DSCAM: variants seen among roughly 807,000 people sequenced by gnomAD.
The protein encoded by DSCAM is cell adhesion molecule DSCAM.
In DSCAM, 47 loss-of-function variants were observed where a neutral mutation model predicts 217.7. The observed-to-expected ratio is 0.22, with a 90% CI of 0.17 to 0.28. The LOEUF (loss-of-function observed/expected upper bound fraction) is 0.28. Ranked by LOEUF, DSCAM falls within the 10% of genes least tolerant of loss-of-function variation. DSCAM has a pLI of 1.00. For synonymous variants in DSCAM, 1,056 were observed against 1,015.3 expected (o/e 1.04, Z -0.76); for missense variants, 2,080 against 2,618.3 (o/e 0.79, Z 4.49).
At chr21:40,797,371 G>A (rs1017440168) in intron 1 of DSCAM, among the ~76,000 whole-genome samples, 2 of 152,158 alleles carry the variant, frequency 1.3e-5, no homozygotes, top group Admixed American at 6.5e-5. Context: ...AAACCCAGTA[G>A]CAGTGAACCA....
intron 3 of DSCAM, among the ~76,000 whole-genome samples, chr21:40,425,025 G>C (rs539036140): frequency 2.0e-5 from 3 of 152,060 alleles, no homozygotes; most frequent in Non-Finnish European, 4.4e-5. Context: ...TTGAACCTGG[G>C]GGGTGGAGGT....
chr21:40,153,662 T>C (rs1044555712), intron 16 of DSCAM, among the ~76,000 whole-genome samples: 3 of 152,116 alleles, frequency 2.0e-5, no homozygotes, highest in Non-Finnish European at 4.4e-5. Flanking sequence ...TGGAAAACTG[T>C]TAGAGCTGCA....
chr21:40,826,386 A>T (rs1422249066), intron 1 of DSCAM, among the ~76,000 whole-genome samples: 1 of 152,224 alleles, frequency 6.6e-6, no homozygotes, highest in Non-Finnish European at 1.5e-5. Flanking sequence ...GGCCAGCCCA[A>T]GCCAGGCCAT....
intron 8 of DSCAM, among the ~76,000 whole-genome samples, chr21:40,313,983 G>A (rs1005124389): frequency 1.3e-5 from 2 of 152,210 alleles, no homozygotes; most frequent in Non-Finnish European, 1.5e-5. Context: ...TAAGGGATCC[G>A]GCTGAGAAAT....
intron 8 of DSCAM, among the ~76,000 whole-genome samples, chr21:40,314,752 T>G (rs2074178103): frequency 6.6e-6 from 1 of 152,226 alleles, no homozygotes; most frequent in South Asian, 2.1e-4. Flanking sequence ...AGACAATTTT[T>G]CTAAGATAAG....
At chr21:40,730,171 G>T (rs1007757815) in intron 1 of DSCAM, among the ~76,000 whole-genome samples, 3 of 152,244 alleles carry the variant, frequency 2.0e-5, no homozygotes, top group Middle Eastern at 6.8e-3. Context: ...CCTCCGGGGC[G>T]CAGGAGGTCA....
chr21:40,647,785 C>T (rs2089965152), intron 3 of DSCAM, among the ~76,000 whole-genome samples: 1 of 152,218 alleles, frequency 6.6e-6, no homozygotes, highest in Admixed American at 6.5e-5. Flanking sequence ...GACCTTTCAA[C>T]ATTAATACAA....
intron 9 of DSCAM, among the ~76,000 whole-genome samples, chr21:40,307,109 T>G (rs1340428652): frequency 6.6e-6 from 1 of 152,102 alleles, no homozygotes; most frequent in African/African-American, 2.4e-5. Context: ...AAAGAGCTTC[T>G]GCACAGCAAA....
intron 3 of DSCAM, among the ~76,000 whole-genome samples, chr21:40,578,670 G>T (rs1301760542): frequency 6.6e-6 from 1 of 152,070 alleles, no homozygotes; most frequent in Non-Finnish European, 1.5e-5. Flanking sequence ...TCACTTTTTG[G>T]GTCCACACTA....
At position 40,241,479 on chromosome 21, in the gene DSCAM, TA is replaced by T. The variant is rs1376721907; in HGVS notation, c.2356+34617del. Among the ~76,000 whole-genome samples the T allele has an allele frequency of 2.6e-4, 40 of 152,016 alleles. No homozygotes were observed. The East Asian group carries it at 7.0e-3, about 26-fold the overall frequency. On this transcript the variant is annotated intron_variant, in intron 11 of 32. Coordinates refer to ENST00000400454, the MANE Select transcript of DSCAM (RefSeq NM_001389.5). Reference sequence around the variant, plus strand: ...TCAGAATAGCTATTATTAAAAAGTCTAAAAAAAATAACAGGTGCCGGTAAGG... The same window carrying T: ...TCAGAATAGCTATTATTAAAAAGTCTAAAAAAATAACAGGTGCCGGTAAGG...
chr21:40,332,683 C>G (rs2074389386), intron 8 of DSCAM, among the ~76,000 whole-genome samples: 1 of 152,156 alleles, frequency 6.6e-6, no homozygotes, highest in Admixed American at 6.5e-5. Context: ...GGGACTTTGA[C>G]TTTTACTTCT....
chr21:40,171,547 G>A (rs2090658024), intron 15 of DSCAM, among the ~76,000 whole-genome samples: 4 of 150,114 alleles, frequency 2.7e-5, no homozygotes, highest in African/African-American at 7.4e-5. Context: ...TCCCTGAAGT[G>A]AAAGCATTTG....
At chr21:40,842,125 T>G (rs1408436151) in intron 1 of DSCAM, among the ~76,000 whole-genome samples, 2 of 152,202 alleles carry the variant, frequency 1.3e-5, no homozygotes, top group African/African-American at 4.8e-5. Flanking sequence ...CTTGTGAGGT[T>G]TGCCGCCCAC....
intron 11 of DSCAM, among the ~76,000 whole-genome samples, chr21:40,211,318 AG>A (rs372150986): frequency 6.6e-4 from 100 of 152,356 alleles, no homozygotes; most frequent in African/African-American, 2.4e-3. Flanking sequence ...TCCAGAATTT[AG>A]CTACTATAAA....
chr21:40,410,911 T>A (rs779256087), intron 3 of DSCAM, among the ~76,000 whole-genome samples: 1 of 152,154 alleles, frequency 6.6e-6, no homozygotes, highest in Non-Finnish European at 1.5e-5. Context: ...TCAACCGATG[T>A]AAACAAGTGA....
At chr21:40,749,303 A>G (rs1291921974) in intron 1 of DSCAM, among the ~76,000 whole-genome samples, 1 of 152,174 alleles carries the variant, frequency 6.6e-6, no homozygotes, top group Non-Finnish European at 1.5e-5. Context: ...GGGGAAAAAA[A>G]ACTATTTGTG....
intron 14 of DSCAM, among the ~76,000 whole-genome samples, chr21:40,181,285 G>A (rs111931809): frequency 0.012 from 1,844 of 152,158 alleles, 15 homozygotes; most frequent in Non-Finnish European, 0.018. Flanking sequence ...ATTTTCAAAC[G>A]TGACTTCTGT....
intron 8 of DSCAM, among the ~76,000 whole-genome samples, chr21:40,330,018 G>T (rs1213237087): frequency 1.3e-5 from 2 of 151,894 alleles, no homozygotes; most frequent in Non-Finnish European, 2.9e-5. Context: ...TGAATGTAAA[G>T]TGTTCTTACC....
At chr21:40,548,527 C>T (rs1371807604) in intron 3 of DSCAM, among the ~76,000 whole-genome samples, 1 of 138,274 alleles carries the variant, frequency 7.2e-6, no homozygotes, top group Non-Finnish European at 1.6e-5. Flanking sequence ...TATATATGTA[C>T]AATATAAAAT....
Sources: allele counts gnomAD v4.1 joint callset (sites outside exome capture counted in the v4.1 genomes callset), GRCh38; gene constraint gnomAD v4.1.1; transcripts MANE v1.5; gene names NCBI Gene and HGNC (gene_info 2026-07-23, HGNC 2026-07-21).